TCF4: variants seen among roughly 807,000 people sequenced by gnomAD.
TCF4 encodes transcription factor 4, also known as SL3-3 enhancer factor 2.
A neutral mutation model predicts 82.1 loss-of-function variants in TCF4; 3 were observed. The ratio of observed to expected loss-of-function variants is 0.04; its 90% CI spans 0.02 to 0.09. The LOEUF is 0.09. Among genes scored for constraint, TCF4 ranks in the 10% least tolerant of loss-of-function variants. The pLI is 1.00. For synonymous variants in TCF4, 276 were observed against 309.6 expected, an observed-to-expected ratio of 0.89 and a Z score of 1.14; for missense variants, 518 against 852.7, an observed-to-expected ratio of 0.61 and a Z score of 4.89.
At chr18:55,563,634 CT>C (rs1417643441) in intron 3 of TCF4, among the ~76,000 whole-genome samples, 1 of 152,224 alleles carries the variant, frequency 6.6e-6, no homozygotes, top group East Asian at 1.9e-4. Context: ...AAGGTATGGC[CT>C]TGGCCAGCCT....
intron 3 of TCF4, among the ~76,000 whole-genome samples, chr18:55,572,236 C>T (rs892140420): frequency 2.6e-5 from 4 of 152,170 alleles, no homozygotes; most frequent in African/African-American, 9.7e-5. Context: ...CACAGTATTA[C>T]CCCAAGTCTC....
At chr18:55,356,865 T>G (rs2083678093) in intron 6 of TCF4, among the ~76,000 whole-genome samples, 1 of 152,168 alleles carries the variant, frequency 6.6e-6, no homozygotes, top group Admixed American at 6.6e-5. Context: ...AGAAATCAAT[T>G]GCCTTAAACA....
chr18:55,434,763 C>CGTGT (rs527450659), intron 5 of TCF4, among the ~76,000 whole-genome samples: 37,207 of 131,636 alleles, frequency 0.28, 5,562 homozygotes, highest in East Asian at 0.44. Context: ...CTCAAGTATT[C>CGTGT]GTGTGTGTGT....
At chr18:55,388,108 G>A (rs1309908394) in intron 6 of TCF4, among the ~76,000 whole-genome samples, 1 of 152,148 alleles carries the variant, frequency 6.6e-6, no homozygotes, top group African/African-American at 2.4e-5. Flanking sequence ...TAAAAGCTAA[G>A]TCCACTGTCA....
At chr18:55,448,873 G>C (rs1281804791) in intron 5 of TCF4, among the ~76,000 whole-genome samples, 1 of 152,182 alleles carries the variant, frequency 6.6e-6, no homozygotes. Flanking sequence ...AGAACCAAAT[G>C]AAACTCATGA....
chr18:55,500,616 G>C (rs2096687239), intron 3 of TCF4, among the ~76,000 whole-genome samples: 1 of 152,012 alleles, frequency 6.6e-6, no homozygotes. Context: ...AGATAAAATA[G>C]GCATGCTCAT....
chr18:55,350,766 T>A lies in TCF4; in HGVS notation c.499+108A>T. Reference sequence around the variant, plus strand: ...CTGACAACTGAGCCAAATTTTATGGTTTTCTTGGGGTGGGAGGTAGGATGG... The same window carrying A: ...CTGACAACTGAGCCAAATTTTATGGATTTCTTGGGGTGGGAGGTAGGATGG... On this transcript the variant is annotated intron_variant, in intron 7 of 19. Transcript: ENST00000354452. The A allele has an allele frequency of 2.0e-6, 3 of 1,524,412 alleles. No individual in the cohort carries two copies. In the South Asian group the frequency reaches 3.5e-5, roughly 18 times the overall value. 94.4% of individuals were successfully genotyped at this position (1,524,412 alleles called of 1,614,324 possible).
intron 2 of TCF4, among the ~76,000 whole-genome samples, chr18:55,611,078 G>A (rs942935127): frequency 6.6e-6 from 1 of 152,138 alleles, no homozygotes; most frequent in Non-Finnish European, 1.5e-5. Context: ...TTGGCATGAG[G>A]CAAGGCTTTG....
At chr18:55,369,332 T>C (rs1428617071) in intron 6 of TCF4, among the ~76,000 whole-genome samples, 1 of 152,146 alleles carries the variant, frequency 6.6e-6, no homozygotes, top group East Asian at 1.9e-4. Context: ...TTTCTCAGTG[T>C]AACAGAATTT....
chr18:55,354,559 T>C (rs1053638250), intron 6 of TCF4, among the ~76,000 whole-genome samples: 4 of 152,182 alleles, frequency 2.6e-5, no homozygotes, highest in Non-Finnish European at 4.4e-5. Flanking sequence ...TGAATGGTAA[T>C]CAAAAATAGA....
intron 2 of TCF4, among the ~76,000 whole-genome samples, chr18:55,622,003 A>G (rs1460260707): frequency 7.7e-6 from 1 of 130,284 alleles, no homozygotes; most frequent in Non-Finnish European, 1.5e-5. Context: ...TATTATATAT[A>G]CACTATATAT....
At chr18:55,489,747 G>A (rs1488661013) in intron 3 of TCF4, among the ~76,000 whole-genome samples, 1 of 152,114 alleles carries the variant, frequency 6.6e-6, no homozygotes, top group Non-Finnish European at 1.5e-5. Context: ...AATCCTCAAC[G>A]TTGCTTTCAA....
chr18:55,621,676 CATTATATATTAT>C (rs1231833930), intron 2 of TCF4, among the ~76,000 whole-genome samples: 2 of 8,254 alleles, frequency 2.4e-4, no homozygotes, highest in Non-Finnish European at 3.7e-4. Context: ...ATATAATATA[CATTATATATTAT>C]ATTATATAAT....
intron 3 of TCF4, among the ~76,000 whole-genome samples, chr18:55,494,907 A>C (rs1360386512): frequency 1.3e-5 from 2 of 152,006 alleles, no homozygotes; most frequent in Admixed American, 6.6e-5. Context: ...TACTAATAGA[A>C]AGGAGTACCT....
In TCF4 at chr18:55,303,267, A is replaced by ACACACC. The variant is rs1184292058; in HGVS notation, c.550-23612_550-23611insGGTGTG. ...CACACACACACACACACACACACAC[A>ACACACC]CCCCTACACACCTGACCCAGCTACT... On this transcript the variant is annotated intron_variant, in intron 8 of 19. Coordinates refer to ENST00000354452, the MANE Select transcript of TCF4 (RefSeq NM_001083962.2). 2.8e-5 allele frequency among the ~76,000 whole-genome samples: 4 copies of ACACACC among 142,092 alleles called. No homozygotes were observed. In the South Asian group the frequency reaches 6.7e-4, roughly 24 times the overall value. The allele number at this position is 142,092 out of a possible 152,430, so 93.2% of individuals were successfully genotyped here. A position where few individuals can be genotyped will look rare whatever the true frequency, so the allele number is the denominator to read the frequency against.
intron 8 of TCF4, among the ~76,000 whole-genome samples, chr18:55,315,947 A>G (rs1445204803): frequency 6.6e-6 from 1 of 151,872 alleles, no homozygotes; most frequent in Non-Finnish European, 1.5e-5. Context: ...CTTTTTTTTA[A>G]GTAATCAATA....
chr18:55,544,922 A>G (rs1463649290), intron 3 of TCF4, among the ~76,000 whole-genome samples: 1 of 152,202 alleles, frequency 6.6e-6, no homozygotes, highest in African/African-American at 2.4e-5. Flanking sequence ...GTACTACCAC[A>G]GCAAGTACAT....
intron 3 of TCF4, among the ~76,000 whole-genome samples, chr18:55,524,553 TATTG>T (rs1390990917): frequency 1.3e-5 from 2 of 152,182 alleles, no homozygotes; most frequent in South Asian, 2.1e-4. Context: ...AAGTAATCAA[TATTG>T]ATTAAGTTAT....
upstream of TCF4, among the ~76,000 whole-genome samples, chr18:55,590,264 G>A (rs1163617228): frequency 1.3e-5 from 2 of 152,202 alleles, no homozygotes; most frequent in Non-Finnish European, 2.9e-5. Flanking sequence ...ATTTCTCAGC[G>A]AGCCTTGGGC....
Sources: allele counts gnomAD v4.1 joint callset (sites outside exome capture counted in the v4.1 genomes callset), GRCh38; gene constraint gnomAD v4.1.1; transcripts MANE v1.5; gene names NCBI Gene and HGNC (gene_info 2026-07-23, HGNC 2026-07-21).